The following OSBPL9 variants were observed in gnomAD, a reference collection of about 807,000 sequenced individuals.
The protein encoded by OSBPL9 is oxysterol-binding protein-related protein 9.
In OSBPL9, 40 loss-of-function variants were observed where a neutral mutation model predicts 106.6. The observed-to-expected ratio is 0.38, with a 90% CI of 0.29 to 0.49. The LOEUF is 0.49. Among genes scored for constraint, OSBPL9 ranks in the 20% least tolerant of loss-of-function variants. The pLI, the probability that OSBPL9 is intolerant of heterozygous loss-of-function variation, is 0.97. For synonymous variants in OSBPL9, 269 were observed against 295.4 expected (o/e 0.91, Z 0.92); for missense variants, 609 against 887.2 (o/e 0.69, Z 3.98).
intron 15 of OSBPL9, among the ~76,000 whole-genome samples, 193 bp from the exon 16 acceptor site, chr1:51,780,971 G>A (rs1216650538): frequency 2.0e-5 from 3 of 151,508 alleles, no homozygotes; most frequent in Admixed American, 1.3e-4. Context: ...AAAAAAAAAA[G>A]AAAAAACCAC....
At chr1:51,600,964 T>C (rs1401485703) in intron 2 of OSBPL9, among the ~76,000 whole-genome samples, 1 of 152,202 alleles carries the variant, frequency 6.6e-6, no homozygotes, top group Non-Finnish European at 1.5e-5. Flanking sequence ...AGACCCTGAA[T>C]GTCACAGGAA....
intron 4 of OSBPL9, chr1:51,740,303 A>G (rs901283646): frequency 1.6e-5 from 21 of 1,337,826 alleles, no homozygotes; most frequent in Middle Eastern, 4.3e-4. Flanking sequence ...CTAATTGTGA[A>G]CATAAACTTT....
chr1:51,681,744 A>C (rs1652603785), intron 3 of OSBPL9, among the ~76,000 whole-genome samples: 1 of 152,020 alleles, frequency 6.6e-6, no homozygotes, highest in Non-Finnish European at 1.5e-5. Flanking sequence ...CCAGTACCAA[A>C]ATCGCAGATG....
At chr1:51,633,806 G>T (rs1279471877) in intron 1 of OSBPL9, among the ~76,000 whole-genome samples, 1 of 152,050 alleles carries the variant, frequency 6.6e-6, no homozygotes, top group East Asian at 1.9e-4. Flanking sequence ...AAACCATTTT[G>T]TAGAAATGGG....
chr1:51,777,367 A>G (rs1194624866), intron 15 of OSBPL9, among the ~76,000 whole-genome samples: 1 of 152,240 alleles, frequency 6.6e-6, no homozygotes, highest in African/African-American at 2.4e-5. Context: ...CAAATTATAG[A>G]TGATTTATAA....
At chr1:51,768,202 A>G (rs1305835713) in intron 12 of OSBPL9, among the ~76,000 whole-genome samples, 5 of 151,450 alleles carry the variant, frequency 3.3e-5, no homozygotes, top group African/African-American at 4.9e-5. Context: ...CGGCCTCCCA[A>G]AGTGCTGGGA....
intron 4 of OSBPL9, among the ~76,000 whole-genome samples, chr1:51,723,974 T>C (rs866643158): frequency 6.6e-6 from 1 of 152,200 alleles, no homozygotes; most frequent in Non-Finnish European, 1.5e-5. Context: ...TTGGAGACAG[T>C]CTCGCTATGT....
intron 4 of OSBPL9, among the ~76,000 whole-genome samples, chr1:51,722,227 G>A (rs1662296036): frequency 6.6e-6 from 1 of 151,866 alleles, no homozygotes; most frequent in Non-Finnish European, 1.5e-5. Context: ...ACAACACAAA[G>A]CAGTTTCACT....
chr1:51,728,016 G>C (rs1663442146), intron 4 of OSBPL9, among the ~76,000 whole-genome samples: 1 of 152,172 alleles, frequency 6.6e-6, no homozygotes. Context: ...CAAGGGGACA[G>C]TATAAAAGAA....
chr1:51,546,181 A>G, the OSBPL9 span, among the ~76,000 whole-genome samples: 2 of 151,868 alleles, frequency 1.3e-5, no homozygotes, highest in African/African-American at 4.8e-5. Flanking sequence ...ATGCTCGGCT[A>G]ATTTGTTGTG....
At chr1:51,766,319 C>T (rs181680300) in intron 12 of OSBPL9, among the ~76,000 whole-genome samples, 146 of 152,142 alleles carry the variant, frequency 9.6e-4, no homozygotes, top group African/African-American at 3.4e-3. Context: ...AGGAGAGGGT[C>T]CAATGAGAGT....
At chr1:51,734,028 C>T (rs1315853888) in intron 4 of OSBPL9, among the ~76,000 whole-genome samples, 2 of 152,118 alleles carry the variant, frequency 1.3e-5, no homozygotes, top group Non-Finnish European at 2.9e-5. Context: ...TTAATATTAT[C>T]TCTATTGTCC....
At chr1:51,525,303 T>C in the OSBPL9 span, among the ~76,000 whole-genome samples, 1 of 152,226 alleles carries the variant, frequency 6.6e-6, no homozygotes, top group Non-Finnish European at 1.5e-5. Flanking sequence ...AGTTAAATTA[T>C]GTAACTAGTG....
intron 1 of OSBPL9, 78 bp downstream of exon 1, chr1:51,617,299 G>T: frequency 7.0e-7 from 1 of 1,436,054 alleles, no homozygotes; most frequent in Non-Finnish European, 9.4e-7. Context: ...GGGGTTTTAG[G>T]TGGCTGAGTT....
At chr1:51,542,768 C>T in the OSBPL9 span, among the ~76,000 whole-genome samples, 1 of 152,200 alleles carries the variant, frequency 6.6e-6, no homozygotes, top group Non-Finnish European at 1.5e-5. Flanking sequence ...CTAGTAAATA[C>T]AGTGCTGGAA....
intron 1 of OSBPL9, chr1:51,577,272 C>G (rs1021713936): frequency 2.4e-4 from 37 of 151,794 alleles, no homozygotes; most frequent in African/African-American, 9.0e-4. Flanking sequence ...CCAATTAAGC[C>G]TCGTTTCTTT....
rs1204753175 is a variant in OSBPL9, at chr1:51,745,563, G to A, written c.346G>A (p.Val116Ile). The change falls in exon 5 of 24, where the codon GTC becomes ATC. Residue 116 changes from valine (V) to isoleucine (I), a missense_variant. Physicochemically the swap from Val to Ile is conservative, Grantham distance 29. Around this residue, in one of 5 missense-constraint regions of OSBPL9, gnomAD observed 72 missense variants for 140.5 expected, o/e 0.51. Transcript: ENST00000428468. ...QGLDSGFVPS[V>I]QDFDKKLTEA... The stretch of plus-strand genomic sequence containing the variant: ...TTTGGATTCAGGATTTGTTCCTAGT[G>A]TCCAAGATTTTGATAAGAAACTTAC... The A allele has an allele frequency of 6.2e-7, 1 of 1,609,170 alleles. No individual in the cohort carries two copies. The highest frequency in any genetic ancestry group is 1.3e-5 in the African/African-American group (1 of 74,604).
chr1:51,617,063 T>A (rs200848426), upstream of OSBPL9: 1 of 1,039,588 alleles, frequency 9.6e-7, no homozygotes, highest in East Asian at 5.6e-5. Context: ...CTGAATGCCA[T>A]ATAGGCGAGT....
intron 3 of OSBPL9, among the ~76,000 whole-genome samples, chr1:51,701,786 A>AT (rs1657318520): frequency 6.6e-6 from 1 of 152,006 alleles, no homozygotes; most frequent in Non-Finnish European, 1.5e-5. Context: ...TCCTAATGCT[A>AT]TCCCTCCCCG....
Sources: allele counts gnomAD v4.1 joint callset (sites outside exome capture counted in the v4.1 genomes callset), GRCh38; gene constraint gnomAD v4.1.1; regional missense constraint gnomAD v4.1.1; transcripts MANE v1.5; gene names NCBI Gene and HGNC (gene_info 2026-07-23, HGNC 2026-07-21).